Variants in CORIN observed in about 807,000 individuals in gnomAD.
CORIN encodes corin, serine peptidase.
A neutral mutation model predicts 125.3 loss-of-function variants in CORIN; 117 were observed. The ratio of observed to expected loss-of-function variants is 0.93; its 90% CI spans 0.80 to 1.09. The LOEUF (loss-of-function observed/expected upper bound fraction) is 1.09, where lower values mean the gene tolerates loss of function less well. Ranked by LOEUF, CORIN falls within the 50% of genes least tolerant of loss-of-function variation. CORIN has a pLI of 0.00. For synonymous variants in CORIN, 450 were observed against 466.4 expected (o/e 0.96, Z 0.45); for missense variants, 1,253 against 1,306.7 (o/e 0.96, Z 0.63).
intron 2 of CORIN, among the ~76,000 whole-genome samples, chr4:47,797,849 C>T (rs1449377335): frequency 6.6e-6 from 1 of 152,092 alleles, no homozygotes; most frequent in African/African-American, 2.4e-5. Flanking sequence ...AATAAAGCAT[C>T]TTACCTAAAC....
At chr4:47,720,644 G>T (rs61762908) in intron 5 of CORIN, among the ~76,000 whole-genome samples, 1 of 152,180 alleles carries the variant, frequency 6.6e-6, no homozygotes, top group African/African-American at 2.4e-5. Context: ...TGTATGAGAT[G>T]AACTCATCCC....
intron 20 of CORIN, among the ~76,000 whole-genome samples, chr4:47,602,679 C>A (rs1187749384): frequency 6.6e-6 from 1 of 152,068 alleles, no homozygotes; most frequent in Non-Finnish European, 1.5e-5. Flanking sequence ...TAGTAAGCTC[C>A]CAGAGAGAGA....
chr4:47,625,236 G>T (rs1722504719), intron 17 of CORIN, among the ~76,000 whole-genome samples: 2 of 151,954 alleles, frequency 1.3e-5, no homozygotes, highest in Admixed American at 1.3e-4. Flanking sequence ...ACTGAACTTG[G>T]CATTAAAGAA....
At chr4:47,720,708 C>T (rs1307897162) in intron 5 of CORIN, among the ~76,000 whole-genome samples, 2 of 152,138 alleles carry the variant, frequency 1.3e-5, no homozygotes, top group South Asian at 2.1e-4. Flanking sequence ...CTATTAAGTG[C>T]CTGCAAGAGA....
intron 3 of CORIN, among the ~76,000 whole-genome samples, chr4:47,772,098 T>C (rs577263661): frequency 2.9e-4 from 44 of 151,988 alleles, no homozygotes; most frequent in Non-Finnish European, 5.3e-4. Flanking sequence ...GATAGATAGA[T>C]AGATAGATAG....
intron 4 of CORIN, among the ~76,000 whole-genome samples, chr4:47,757,168 AT>A (rs61456068): frequency 0.056 from 8,501 of 151,826 alleles, 737 homozygotes; most frequent in African/African-American, 0.19. Flanking sequence ...TGACTTTAGA[AT>A]TTTTTTTTAT....
At chr4:47,656,517 A>T (rs6447578) in intron 12 of CORIN, among the ~76,000 whole-genome samples, 81,004 of 151,952 alleles carry the variant, frequency 0.53, 22,627 homozygotes, top group East Asian at 0.75. Flanking sequence ...ATACATCATA[A>T]CAACAGAATG....
chr4:47,751,985 A>T (rs1174605875), intron 4 of CORIN, among the ~76,000 whole-genome samples: 1 of 151,582 alleles, frequency 6.6e-6, no homozygotes, highest in Non-Finnish European at 1.5e-5. Flanking sequence ...CAACCTTGGC[A>T]ACAGTAACTG....
intron 1 of CORIN, among the ~76,000 whole-genome samples, chr4:47,824,084 T>C (rs1044309338): frequency 2.6e-5 from 4 of 152,084 alleles, no homozygotes; most frequent in African/African-American, 7.2e-5. Flanking sequence ...ATCCAAAGTT[T>C]TGAAATCTAT....
chr4:47,763,453 G>A lies in CORIN; in HGVS notation c.543C>T (p.Leu181=). 1.1e-5 allele frequency: 18 copies of A among 1,614,138 alleles called. No homozygotes were observed. Among genetic ancestry groups the A allele is most frequent in the Non-Finnish European group, 1.4e-5 (17 of 1,180,004 alleles). Residue 181 remains leucine, a synonymous_variant, in exon 4 of 22, where the codon CTC becomes CTT. Coordinates refer to ENST00000273857, the MANE Select transcript of CORIN (RefSeq NM_006587.4). ...ACAGCATGATATGTTGATAGCAACTGAGGCGATGGAGATATGTGAAAAACT... is the reference window on the plus strand; with the variant it reads ...ACAGCATGATATGTTGATAGCAACTAAGGCGATGGAGATATGTGAAAAACT... ...FLKFFTYLHR[L]SCYQHIMLFG...
At chr4:47,651,260 T>C (rs1723719516) in intron 13 of CORIN, among the ~76,000 whole-genome samples, 2 of 152,240 alleles carry the variant, frequency 1.3e-5, no homozygotes, top group Non-Finnish European at 2.9e-5. Flanking sequence ...TCAGTAAAGC[T>C]CAAACACTTA....
intron 1 of CORIN, among the ~76,000 whole-genome samples, chr4:47,831,969 C>T (rs915294250): frequency 4.6e-5 from 7 of 152,140 alleles, no homozygotes; most frequent in Admixed American, 1.3e-4. Context: ...AGGGGTCCTA[C>T]GTAGTGAGGT....
chr4:47,750,563 C>T (rs983869395), intron 4 of CORIN, among the ~76,000 whole-genome samples: 17 of 152,150 alleles, frequency 1.1e-4, no homozygotes, highest in African/African-American at 4.1e-4. Context: ...CTGCAGGGAG[C>T]TGTTAGCACC....
At chr4:47,821,012 G>A (rs537054335) in intron 1 of CORIN, among the ~76,000 whole-genome samples, 165 of 152,206 alleles carry the variant, frequency 1.1e-3, no homozygotes, top group African/African-American at 3.5e-3. Context: ...TGAGGCAGGC[G>A]GATCATGAGG....
At position 47,594,004 on chromosome 4, in the gene CORIN, G is replaced by A. The variant is rs1451317906; in HGVS notation, c.*1717C>T. ...TCCAAAAAAAAAAAAAAGGTGATTAGACCATTACCATTTTATTTGTATTAA... is the reference window on the plus strand; with the variant it reads ...TCCAAAAAAAAAAAAAAGGTGATTAAACCATTACCATTTTATTTGTATTAA... On this transcript the variant is annotated 3_prime_UTR_variant, in exon 22 of 22. Transcript: ENST00000273857. The A allele has an allele frequency of 1.6e-4, 24 of 149,988 alleles. No individual in the cohort carries two copies. The highest frequency in any genetic ancestry group is 5.6e-4 in the African/African-American group (23 of 40,928). The allele number at this position is 149,988 out of a possible 1,614,324, so 9.3% of individuals were successfully genotyped here. A position where few individuals can be genotyped will look rare whatever the true frequency, so the allele number is the denominator to read the frequency against.
intron 19 of CORIN, among the ~76,000 whole-genome samples, chr4:47,606,438 T>G: frequency 6.6e-6 from 1 of 152,064 alleles, no homozygotes; most frequent in East Asian, 1.9e-4. Flanking sequence ...TTTGGAATTT[T>G]AGTAGAGATA....
chr4:47,714,310 G>C (rs17654393), intron 5 of CORIN, among the ~76,000 whole-genome samples: 15,093 of 152,004 alleles, frequency 0.099, 883 homozygotes, highest in East Asian at 0.27. Context: ...AACACAAACC[G>C]AAAATTTAAT....
At chr4:47,687,029 A>G (rs1725550692) in intron 6 of CORIN, among the ~76,000 whole-genome samples, 1 of 152,228 alleles carries the variant, frequency 6.6e-6, no homozygotes, top group South Asian at 2.1e-4. Flanking sequence ...TTATTAAATT[A>G]CTTTATAAAT....
intron 1 of CORIN, among the ~76,000 whole-genome samples, chr4:47,833,434 CTG>C (rs767409281): frequency 1.3e-5 from 2 of 148,600 alleles, no homozygotes; most frequent in Non-Finnish European, 3.0e-5. Flanking sequence ...AGACCTGAAA[CTG>C]TAAAATTTCT....
Sources: allele counts gnomAD v4.1 joint callset (sites outside exome capture counted in the v4.1 genomes callset), GRCh38; gene constraint gnomAD v4.1.1; transcripts MANE v1.5; gene names NCBI Gene and HGNC (gene_info 2026-07-23, HGNC 2026-07-21).